Variants in SLC35A3 observed in about 807,000 individuals in gnomAD.
SLC35A3 encodes solute carrier family 35 member A3, also known as UDP-N-acetylglucosamine transporter.
A neutral mutation model predicts 39.0 loss-of-function variants in SLC35A3; 26 were observed. The observed-to-expected ratio is 0.67, with a 90% CI of 0.49 to 0.92. The LOEUF is 0.92. SLC35A3 is among the 40% of genes least tolerant of loss of function. SLC35A3 has a pLI of 0.00. For synonymous variants in SLC35A3, 135 were observed against 133.1 expected (o/e 1.01, Z -0.10); for missense variants, 299 against 371.6 (o/e 0.80, Z 1.61).
chr1:100,008,430 A>G (rs1659394383), intron 4 of SLC35A3: 1 of 152,248 alleles, frequency 6.6e-6, no homozygotes, highest in Admixed American at 6.5e-5. Context: ...CAAAACCATG[A>G]AAATGATAGG....
intron 5 of SLC35A3, among the ~76,000 whole-genome samples, chr1:100,011,856 C>T (rs1220854673): frequency 1.3e-5 from 2 of 151,482 alleles, no homozygotes; most frequent in Admixed American, 6.6e-5. Flanking sequence ...GTAGCTGAGA[C>T]TATAGGCGCC....
chr1:100,005,618 A>C lies in SLC35A3; in HGVS notation c.343-1416A>C, dbSNP rs576256928. On this transcript the variant is annotated intron_variant, in intron 3 of 7. Coordinates refer to ENST00000533028, the MANE Select transcript of SLC35A3 (RefSeq NM_012243.3). Reference sequence around the variant, plus strand: ...AGAAATTCTTTATTCTGTTTCATCTAGTCTAACATTGAAGCTCTTGGTTGG... The same window carrying C: ...AGAAATTCTTTATTCTGTTTCATCTCGTCTAACATTGAAGCTCTTGGTTGG... Among the ~76,000 whole-genome samples the C allele has an allele frequency of 2.0e-5, 3 of 152,196 alleles. No homozygotes were observed. The South Asian group carries it at 6.2e-4, about 32-fold the overall frequency.
chr1:100,030,998 A>G lies in SLC35A3; in HGVS notation c.*8522A>G, dbSNP rs1661182573. The stretch of plus-strand genomic sequence containing the variant: ...ATTCTAGAATTTTAAAACCTGCCAC[A>G]CTTATTTTGGATGTTATATACACAT... On this transcript the variant is annotated 3_prime_UTR_variant, in exon 8 of 8. Coordinates refer to ENST00000533028, the MANE Select transcript of SLC35A3 (RefSeq NM_012243.3). 1 of 152,134 alleles carries G rather than the reference A, an allele frequency of 6.6e-6. No homozygotes were observed. The highest frequency in any genetic ancestry group is 1.5e-5 in the Non-Finnish European group (1 of 68,024). The allele number at this position is 152,134 out of a possible 1,614,324, so 9.4% of individuals were successfully genotyped here.
rs1272793133 is a variant in SLC35A3, at chr1:100,027,326, C to T, written c.*4850C>T. The T allele has an allele frequency of 5.1e-6, 2 of 392,256 alleles. No homozygotes were observed. The highest frequency in any genetic ancestry group is 7.2e-5 in the East Asian group (2 of 27,812). 24.3% of individuals were successfully genotyped at this position (392,256 alleles called of 1,614,324 possible). A position where few individuals can be genotyped will look rare whatever the true frequency, so the allele number is the denominator to read the frequency against. Reference sequence around the variant, plus strand: ...AAATTAGCCAATATGTGGGCATGCACCTGTGGGGCCAGCTACTCAGGAGGC... The same window carrying T: ...AAATTAGCCAATATGTGGGCATGCATCTGTGGGGCCAGCTACTCAGGAGGC... On this transcript the variant is annotated 3_prime_UTR_variant, in exon 8 of 8. Transcript: ENST00000533028.
rs1244104052 is a variant in SLC35A3 at position 100,030,966 on chromosome 1, G to C, written c.*8490G>C. 1 of 152,034 alleles carries C rather than the reference G, an allele frequency of 6.6e-6. No homozygotes were observed. The highest frequency in any genetic ancestry group is 2.4e-5 in the African/African-American group (1 of 41,388). 9.4% of individuals were successfully genotyped at this position (152,034 alleles called of 1,614,324 possible). ...ATTTTATAACTGTTCCAGTCATATT[G>C]CTATGAATTCTAGAATTTTAAAACC... is the stretch of plus-strand genomic sequence containing the variant. On this transcript the variant is annotated 3_prime_UTR_variant, in exon 8 of 8. Coordinates refer to ENST00000533028, the MANE Select transcript of SLC35A3 (RefSeq NM_012243.3).
At position 99,993,645 on chromosome 1, in the gene SLC35A3, AAAG is replaced by A. The variant is rs748349847; in HGVS notation, c.98_100del (p.Glu33del). The A allele has an allele frequency of 5.8e-5, 93 of 1,614,040 alleles. No individual in the cohort carries two copies. In the East Asian group the frequency reaches 1.6e-3, roughly 28 times the overall value. ...AACAATGCGTTATTCCAGAACTTTAAAAGAAGAAGGACCTCGTTATCTATCTTC... is the reference window on the plus strand; with the variant it reads ...AACAATGCGTTATTCCAGAACTTTAAAAGAAGGACCTCGTTATCTATCTTC... On this transcript the variant is annotated inframe_deletion, in exon 2 of 8. Transcript: ENST00000533028.
rs956448076 is a variant in SLC35A3, at chr1:100,026,532, GGTT to G, written c.*4060_*4062del. On this transcript the variant is annotated 3_prime_UTR_variant, in exon 8 of 8. Coordinates refer to ENST00000533028, the MANE Select transcript of SLC35A3 (RefSeq NM_012243.3). ...AGAATAAATACATTTCTATTTTTTT[GGTT>G]GTTTCAACATTAGCTCTTCAAATTC... 53 of 151,930 alleles carry G rather than the reference GGTT, an allele frequency of 3.5e-4. No homozygotes were observed. The highest frequency in any genetic ancestry group is 1.3e-3 in the African/African-American group (52 of 41,374). The allele number at this position is 151,930 out of a possible 1,614,324, so 9.4% of individuals were successfully genotyped here.
intron 6 of SLC35A3, among the ~76,000 whole-genome samples, chr1:100,016,823 C>A (rs1660173696): frequency 6.6e-6 from 1 of 152,010 alleles, no homozygotes; most frequent in Non-Finnish European, 1.5e-5. Flanking sequence ...GAAGAAGCCC[C>A]CTTCCCTTAA....
intron 1 of SLC35A3, among the ~76,000 whole-genome samples, chr1:99,971,190 C>CTCCCT (rs1226128348): frequency 6.6e-6 from 1 of 152,032 alleles, no homozygotes; most frequent in African/African-American, 2.4e-5. Context: ...CGATCGGCTT[C>CTCCCT]AGAATAAAAT....
intron 2 of SLC35A3, 75 bp from the exon 3 acceptor site, chr1:99,999,186 A>G: frequency 2.1e-6 from 2 of 933,712 alleles, no homozygotes; most frequent in Non-Finnish European, 3.0e-6. Context: ...AGGTTAGAAA[A>G]TTGAGATCTT....
chr1:99,988,955 C>T lies in SLC35A3; in HGVS notation c.-18-4582C>T, dbSNP rs555990172. 3.9e-5 allele frequency among the ~76,000 whole-genome samples: 6 copies of T among 151,944 alleles called. No homozygotes were observed. The East Asian group carries it at 5.8e-4, about 15-fold the overall frequency. On this transcript the variant is annotated intron_variant, in intron 1 of 7. Coordinates refer to ENST00000533028, the MANE Select transcript of SLC35A3 (RefSeq NM_012243.3). ...CTAATTATTTTTGTAGAGACGGGAT[C>T]TCAATATGTTGCCCAGGCTGGTCTC...
chr1:99,991,185 G>A (rs536287051), intron 1 of SLC35A3, among the ~76,000 whole-genome samples: 9 of 152,212 alleles, frequency 5.9e-5, no homozygotes, highest in East Asian at 3.9e-4. Context: ...TCGCTCTGTC[G>A]TCCAGGCTGG....
At chr1:100,020,081 A>G (rs778244210) in intron 7 of SLC35A3, among the ~76,000 whole-genome samples, 3 of 152,228 alleles carry the variant, frequency 2.0e-5, no homozygotes, top group African/African-American at 4.8e-5. Flanking sequence ...GGAAAGACAG[A>G]TGTGAATAAT....
At chr1:99,986,978 A>G (rs1657780430) in intron 1 of SLC35A3, among the ~76,000 whole-genome samples, 2 of 152,252 alleles carry the variant, frequency 1.3e-5, no homozygotes, top group African/African-American at 4.8e-5. Flanking sequence ...ACTTCCTTGA[A>G]CAGATATGAA....
chr1:100,014,523 C>A (rs188007065), intron 5 of SLC35A3, among the ~76,000 whole-genome samples: 1 of 152,176 alleles, frequency 6.6e-6, no homozygotes, highest in Admixed American at 6.5e-5. Context: ...TGCCCACTCT[C>A]AAAACTTCTT....
At chr1:99,979,915 A>C (rs948036818) in intron 1 of SLC35A3, among the ~76,000 whole-genome samples, 20 of 151,738 alleles carry the variant, frequency 1.3e-4, no homozygotes, top group Non-Finnish European at 2.8e-4. Flanking sequence ...ATGGTGGTGC[A>C]AGCCTATAAT....
intron 1 of SLC35A3, among the ~76,000 whole-genome samples, chr1:99,973,799 G>A (rs1179029969): frequency 1.3e-5 from 2 of 152,098 alleles, no homozygotes; most frequent in African/African-American, 4.8e-5. Flanking sequence ...GGCGGATCAC[G>A]AGGTCAGGAG....
chr1:99,974,823 C>G (rs1657020064), intron 1 of SLC35A3: 1 of 152,164 alleles, frequency 6.6e-6, no homozygotes, highest in Non-Finnish European at 1.5e-5. Flanking sequence ...CTGTAAATCA[C>G]CTAGCACAAT....
At chr1:100,015,502 T>G (rs937217899) in intron 6 of SLC35A3, 82 bp downstream of exon 6, 1 of 1,414,860 alleles carries the variant, frequency 7.1e-7, no homozygotes, top group African/African-American at 1.6e-5. Context: ...GATATACTGA[T>G]GTGAGGGGGA....
Sources: allele counts gnomAD v4.1 joint callset (sites outside exome capture counted in the v4.1 genomes callset), GRCh38; gene constraint gnomAD v4.1.1; transcripts MANE v1.5; gene names NCBI Gene and HGNC (gene_info 2026-07-23, HGNC 2026-07-21).